TBATA: variants seen among roughly 807,000 people sequenced by gnomAD.
TBATA encodes the protein thymus, brain and testes associated, also known as protein TBATA.
In TBATA, 47 loss-of-function variants were observed where a neutral mutation model predicts 38.7. That is an observed-to-expected ratio of 1.21 (90% confidence interval 0.96 to 1.55). The LOEUF (loss-of-function observed/expected upper bound fraction) is 1.55, where lower values mean the gene tolerates loss of function less well. Ranked by LOEUF, TBATA falls within the 40% of genes most tolerant of loss-of-function variation. The probability of loss-of-function intolerance (pLI) is 0.00; values close to 1 mark genes in which losing one functional copy is unlikely to be tolerated. For synonymous variants in TBATA, 183 were observed against 170.5 expected (o/e 1.07, Z -0.57); for missense variants, 436 against 435.6 (o/e 1.00, Z -0.01).
chr10:70,782,090 C>G, intron 3 of TBATA, 54 bp from the exon 4 acceptor site: 10 of 1,566,484 alleles, frequency 6.4e-6, no homozygotes, highest in Non-Finnish European at 7.9e-6. Context: ...GCAGTGGGCC[C>G]ACCTGGGCTC....
intron 3 of TBATA, among the ~76,000 whole-genome samples, chr10:70,782,950 G>A (rs1410099085): frequency 3.3e-5 from 5 of 152,244 alleles, no homozygotes; most frequent in Admixed American, 3.3e-4. Context: ...TGGCCCCTGA[G>A]TTTCCTGTTC....
chr10:70,771,386 G>T lies in TBATA; in HGVS notation c.1049C>A (p.Ala350Glu). 1 of 1,614,206 alleles carries T rather than the reference G, an allele frequency of 6.2e-7. No homozygotes were observed. Among genetic ancestry groups the T allele is most frequent in the African/African-American group, 1.3e-5 (1 of 75,052 alleles). Residue 350 changes from alanine to glutamate, a missense_variant, in exon 11 of 11, where the codon GCA (alanine) becomes GAA (glutamate). Ala to Glu is a moderately radical substitution (Grantham distance 107, BLOSUM62 -1). Coordinates refer to ENST00000456372, the MANE Select transcript of TBATA (RefSeq NM_001318241.2). ...NTEKKTSKPR[A>E]ES ...AAGTGTTAGGGCCCCTCAGCTCTCT[G>T]CCCTCGGCTTCGATGTCTTCTTCTC...
chr10:70,773,180 G>A (rs1021201642), intron 9 of TBATA, among the ~76,000 whole-genome samples: 1 of 152,068 alleles, frequency 6.6e-6, no homozygotes, highest in Non-Finnish European at 1.5e-5. Context: ...TCTCAGAGTG[G>A]AAGGGAACAC....
intron 6 of TBATA, 48 bp from the exon 7 acceptor site, chr10:70,777,386 G>T: frequency 2.5e-6 from 4 of 1,569,838 alleles, no homozygotes; most frequent in Non-Finnish European, 3.5e-6. Context: ...AAGAGGGGAG[G>T]AAGAGGGCTG....
intron 6 of TBATA, 91 bp downstream of exon 6, chr10:70,778,466 G>T: frequency 2.3e-6 from 3 of 1,302,826 alleles, no homozygotes; most frequent in Non-Finnish European, 3.3e-6. Flanking sequence ...CCCCACCTCT[G>T]GTAGGCTGAA....
intron 7 of TBATA, among the ~76,000 whole-genome samples, chr10:70,776,741 C>T (rs914633431): frequency 6.6e-6 from 1 of 152,184 alleles, no homozygotes; most frequent in Non-Finnish European, 1.5e-5. Flanking sequence ...TCTGGGCTCA[C>T]TGAAGCACAA....
At chr10:70,780,745 T>C (rs1844101424) in intron 4 of TBATA, among the ~76,000 whole-genome samples, 1 of 152,178 alleles carries the variant, frequency 6.6e-6, no homozygotes, top group African/African-American at 2.4e-5. Context: ...TTTCCCTGCC[T>C]CAGTCAATGT....
intron 7 of TBATA, 150 bp downstream of exon 7, chr10:70,777,003 T>TG: frequency 1.8e-5 from 13 of 732,970 alleles, no homozygotes; most frequent in Non-Finnish European, 2.8e-5. Flanking sequence ...CAGGGGGTCA[T>TG]AGCCCCTGCT....
In TBATA at chr10:70,777,215, T is replaced by A; in HGVS notation, c.631A>T (p.Ser211Cys). ...GRRRSHQGQQSQSSSRHEGVQ... is the reference protein window; with the variant it reads ...GRRRSHQGQQCQSSSRHEGVQ... ...CCTTCATGTCTGCTGGAAGACTGAC[T>A]CTGCTGGCCCTGGTGAGATCTGCGG... is the stretch of plus-strand genomic sequence containing the variant. Residue 211 changes from serine to cysteine, a missense_variant, in exon 7 of 11, where the codon AGT (serine) becomes TGT (cysteine). Transcript: ENST00000456372. 1 of 1,613,568 alleles carries A rather than the reference T, an allele frequency of 6.2e-7. No homozygotes were observed. Among genetic ancestry groups the A allele is most frequent in the Non-Finnish European group, 8.5e-7 (1 of 1,179,928 alleles).
intron 10 of TBATA, 145 bp from the exon 11 acceptor site, chr10:70,771,606 G>T: frequency 1.4e-6 from 1 of 712,244 alleles, no homozygotes; most frequent in Admixed American, 2.7e-5. Context: ...ACCGAGGAGG[G>T]AATCCAACCT....
chr10:70,782,436 C>G, intron 3 of TBATA: 1 of 1,295,778 alleles, frequency 7.7e-7, no homozygotes, highest in Non-Finnish European at 1.0e-6. Flanking sequence ...GGGGCCTCTC[C>G]CCAAGCCAGA....
rs111251013 is a variant in TBATA, at chr10:70,782,730, C to T, written c.41+609G>A. The stretch of plus-strand genomic sequence containing the variant: ...CCCACACCCCTCCCCTTCCTGAGGA[C>T]GCTATGCATCTGCCCTTGGAGGAAG... On this transcript the variant is annotated intron_variant, in intron 3 of 10. Transcript: ENST00000456372. The T allele has an allele frequency of 1.6e-3, 1,272 of 783,256 alleles. 17 individuals carry two copies. The African/African-American group carries it at 0.021, about 13-fold the overall frequency. 48.5% of individuals were successfully genotyped at this position (783,256 alleles called of 1,614,324 possible). A position where few individuals can be genotyped will look rare whatever the true frequency, so the allele number is the denominator to read the frequency against.
At chr10:70,773,471 C>CG (rs1554826534) in intron 9 of TBATA, among the ~76,000 whole-genome samples, 3 of 151,394 alleles carry the variant, frequency 2.0e-5, no homozygotes, top group Admixed American at 6.6e-5. Context: ...ACAGGCCCCC[C>CG]CGGCTTCACC....
chr10:70,774,384 C>CA, intron 8 of TBATA, 27 bp from the exon 9 acceptor site: 1 of 1,558,806 alleles, frequency 6.4e-7, no homozygotes, highest in Non-Finnish European at 8.7e-7. Flanking sequence ...GGGGCAGTGT[C>CA]CTCAGCCCCC....
At chr10:70,778,817 G>T in intron 5 of TBATA, 181 bp from the exon 6 acceptor site, 9 of 663,552 alleles carry the variant, frequency 1.4e-5, no homozygotes, top group Non-Finnish European at 1.6e-5. Flanking sequence ...ATGGGTGGTG[G>T]TTGTGGCAGT....
At chr10:70,785,099 G>A (rs999078615) in intron 1 of TBATA, among the ~76,000 whole-genome samples, 186 bp downstream of exon 1, 3 of 152,150 alleles carry the variant, frequency 2.0e-5, no homozygotes, top group South Asian at 2.1e-4. Flanking sequence ...TGTCCAGAGC[G>A]GGACAGGTGG....
chr10:70,781,632 C>T (rs918253007), intron 4 of TBATA, among the ~76,000 whole-genome samples, 169 bp downstream of exon 4: 2 of 152,238 alleles, frequency 1.3e-5, no homozygotes, highest in Non-Finnish European at 2.9e-5. Flanking sequence ...AGGCTTCTCT[C>T]CTGCCCACTG....
intron 4 of TBATA, 110 bp downstream of exon 4, chr10:70,781,690 TC>T: frequency 9.3e-6 from 10 of 1,072,980 alleles, no homozygotes; most frequent in Non-Finnish European, 1.4e-5. Flanking sequence ...CTGGACCCCA[TC>T]CTCTCTGGGC....
intron 9 of TBATA, 104 bp from the exon 10 acceptor site, chr10:70,772,670 C>A (rs1842909233): frequency 8.4e-7 from 1 of 1,187,726 alleles, no homozygotes; most frequent in South Asian, 1.2e-5. Context: ...CAGGTGCAGT[C>A]AGCTGTCTGC....
Sources: gnomAD v4.1 joint callset for allele counts (sites outside exome capture counted in the v4.1 genomes callset) on GRCh38, gnomAD v4.1.1 for gene constraint, MANE v1.5 for transcripts, NCBI Gene and HGNC (gene_info 2026-07-23, HGNC 2026-07-21) for gene names.